DERA: variants seen among roughly 807,000 people sequenced by gnomAD.
DERA encodes the protein 2-deoxy-D-ribose 5-phosphate aldolase.
In DERA, 15 loss-of-function variants were observed where a neutral mutation model predicts 41.1. The ratio of observed to expected loss-of-function variants is 0.37; its 90% CI spans 0.24 to 0.56. The LOEUF is 0.56. Ranked by LOEUF, DERA falls within the 20% of genes least tolerant of loss-of-function variation. DERA has a pLI of 0.81. For missense variants in DERA, 396 were observed against 403.4 expected, an observed-to-expected ratio of 0.98 and a Z score of 0.16; for synonymous variants, 139 against 137.4, an observed-to-expected ratio of 1.01 and a Z score of -0.08.
chr12:15,944,690 T>C (rs1348663835), intron 1 of DERA, among the ~76,000 whole-genome samples: 1 of 152,246 alleles, frequency 6.6e-6, no homozygotes, highest in African/African-American at 2.4e-5. Flanking sequence ...GCCTGTTCAC[T>C]CTAATGGTAG....
chr12:15,916,558 C>T (rs761262385), intron 1 of DERA, among the ~76,000 whole-genome samples: 21 of 151,472 alleles, frequency 1.4e-4, no homozygotes, highest in Non-Finnish European at 2.5e-4. Context: ...TCAAGTGAGC[C>T]TCCAGTCTCA....
At chr12:15,951,875 C>T (rs1290169402) in intron 1 of DERA, among the ~76,000 whole-genome samples, 19 of 152,072 alleles carry the variant, frequency 1.2e-4, no homozygotes, top group Admixed American at 9.8e-4. Context: ...TTTTCTACAA[C>T]AGTACTTACT....
rs1019791311 is a variant in DERA at position 15,983,426 on chromosome 12, G to A, written c.637+990G>A. Among the ~76,000 whole-genome samples, 7 of 152,076 alleles carry A rather than the reference G, an allele frequency of 4.6e-5. No homozygotes were observed. Among genetic ancestry groups the A allele is most frequent in the East Asian group, 3.9e-4 (2 of 5,176 alleles). On this transcript the variant is annotated intron_variant, in intron 6 of 8. Transcript: ENST00000428559. This position sits in a 1 kb window ranked among gnomAD's most constrained non-coding sequence, Gnocchi z 6.2. ...CATCCAACCTTTTGAGTCTTTGTAC[G>A]TTCTGTGCCTCCTGCCCGGAATGCC...
rs542920532 is a variant in DERA at position 15,989,817 on chromosome 12, C to T, written c.637+7381C>T. 1.3e-5 allele frequency among the ~76,000 whole-genome samples: 2 copies of T among 152,316 alleles called. No individual in the cohort carries two copies. Among genetic ancestry groups the T allele is most frequent in the African/African-American group, 4.8e-5 (2 of 41,564 alleles). On this transcript the variant is annotated intron_variant, in intron 6 of 8. Transcript: ENST00000428559. This position sits in a 1 kb window ranked among gnomAD's most constrained non-coding sequence, Gnocchi z 5.2. ...ACTATGTTAGTCTGGTCTTACACAT[C>T]ATTGTAAGTAAAATTGTGTTAAACA...
intron 5 of DERA, among the ~76,000 whole-genome samples, chr12:15,974,225 A>C (rs1948682859): frequency 6.6e-6 from 1 of 152,212 alleles, no homozygotes; most frequent in Non-Finnish European, 1.5e-5. Flanking sequence ...TACTGCATCA[A>C]AATCAGGAAA....
At chr12:15,997,117 A>G (rs1199495939) in intron 6 of DERA, among the ~76,000 whole-genome samples, 1 of 152,200 alleles carries the variant, frequency 6.6e-6, no homozygotes, top group African/African-American at 2.4e-5. Flanking sequence ...AAAAATACAG[A>G]TCTTCAAACA....
rs1948939144 is a variant in DERA at position 16,010,371 on chromosome 12, G to A, written c.638-22171G>A. Among the ~76,000 whole-genome samples, 1 of 152,084 alleles carries A rather than the reference G, an allele frequency of 6.6e-6. No individual in the cohort carries two copies. The highest frequency in any genetic ancestry group is 2.4e-5 in the African/African-American group (1 of 41,390). ...GCCTCATGTGTCTTCAGGAATTTGT[G>A]AATGATTCTGATATCCCAGTGATAT... On this transcript the variant is annotated intron_variant, in intron 6 of 8. Transcript: ENST00000428559. The surrounding 1 kb of genome is among the most constrained non-coding windows in gnomAD (Gnocchi z 5.5).
rs1227313154 is a variant in DERA, at chr12:16,036,960, A to C, written c.*214A>C. The C allele has an allele frequency of 3.6e-5, 18 of 503,488 alleles. No homozygotes were observed. The highest frequency in any genetic ancestry group is 6.2e-5 in the Non-Finnish European group (18 of 288,196). The allele number at this position is 503,488 out of a possible 1,614,324, so 31.2% of individuals were successfully genotyped here. ...ATCTGAAATGATCTTAATTACTAGA[A>C]GATCTGCACTATTAACTTTGTGAAG... On this transcript the variant is annotated 3_prime_UTR_variant, in exon 9 of 9. Transcript: ENST00000428559. The surrounding 1 kb of genome is among the most constrained non-coding windows in gnomAD (Gnocchi z 4.9).
intron 6 of DERA, among the ~76,000 whole-genome samples, chr12:16,015,717 G>C (rs1948976842): frequency 6.6e-6 from 1 of 152,176 alleles, no homozygotes; most frequent in Non-Finnish European, 1.5e-5. Flanking sequence ...AGGAGGCCTG[G>C]ATTATGGATG....
chr12:15,996,222 C>T lies in DERA; in HGVS notation c.637+13786C>T, dbSNP rs1948836391. Among the ~76,000 whole-genome samples, 1 of 151,508 alleles carries T rather than the reference C, an allele frequency of 6.6e-6. No individual in the cohort carries two copies. The highest frequency in any genetic ancestry group is 2.4e-5 in the African/African-American group (1 of 41,172). ...TAAGAGTAGATTACAATCCAGTATA[C>T]ACAGGGCCCCAAAATATAGAAAACA... is the stretch of plus-strand genomic sequence containing the variant. On this transcript the variant is annotated intron_variant, in intron 6 of 8. Transcript: ENST00000428559. The surrounding 1 kb of genome is among the most constrained non-coding windows in gnomAD (Gnocchi z 4.7).
At chr12:16,029,186 G>A (rs193029670) in intron 6 of DERA, among the ~76,000 whole-genome samples, 10 of 152,322 alleles carry the variant, frequency 6.6e-5, no homozygotes, top group African/African-American at 2.2e-4. Flanking sequence ...TGTAATCCCA[G>A]CACTTTGGGA....
At chr12:15,980,053 C>T (rs1407997748) in intron 5 of DERA, among the ~76,000 whole-genome samples, 13 of 152,212 alleles carry the variant, frequency 8.5e-5, no homozygotes, top group African/African-American at 2.4e-4. Flanking sequence ...GTTACTGGAA[C>T]TGGGTCAGGC....
chr12:16,032,860 G>A (rs967588745), intron 7 of DERA: 7 of 506,914 alleles, frequency 1.4e-5, no homozygotes, highest in Non-Finnish European at 2.4e-5. Flanking sequence ...GAGTGTGGGA[G>A]TGAGTATGTG....
intron 1 of DERA, among the ~76,000 whole-genome samples, chr12:15,916,828 T>A (rs1199970601): frequency 6.6e-6 from 1 of 152,192 alleles, no homozygotes; most frequent in Non-Finnish European, 1.5e-5. Flanking sequence ...CCTAGGCTGG[T>A]CTTGAACTCC....
chr12:16,013,665 T>C lies in DERA; in HGVS notation c.638-18877T>C, dbSNP rs1948961509. ...AATTGGTACCGAGGTAGTGGGACAC[T>C]GCTATAAGGATACCCGAAAATGCGG... On this transcript the variant is annotated intron_variant, in intron 6 of 8. Transcript: ENST00000428559. This position sits in a 1 kb window ranked among gnomAD's most constrained non-coding sequence, Gnocchi z 5.8. 6.6e-6 allele frequency among the ~76,000 whole-genome samples: 1 copy of C among 152,212 alleles called. No homozygotes were observed. Among genetic ancestry groups the C allele is most frequent in the African/African-American group, 2.4e-5 (1 of 41,460 alleles).
intron 4 of DERA, among the ~76,000 whole-genome samples, chr12:15,960,650 A>C (rs1037444928): frequency 7.9e-5 from 12 of 151,160 alleles, no homozygotes; most frequent in East Asian, 1.9e-4. Flanking sequence ...AAAAAAAAAA[A>C]AAAAAAAAAA....
Position 15,982,375 on chromosome 12 carries a change from G to C in DERA, c.576G>C (p.Ala192=), listed in dbSNP as rs376916329. 9 of 1,613,658 alleles carry C rather than the reference G, an allele frequency of 5.6e-6. No homozygotes were observed. In the African/African-American group the frequency reaches 1.2e-4, roughly 22 times the overall value. Residue 192 remains alanine (A), a synonymous_variant, in exon 6 of 9, where the codon GCG becomes GCC. Transcript: ENST00000428559. The surrounding 1 kb of genome is among the most constrained non-coding windows in gnomAD (Gnocchi z 4.0). ...CGEAHLKTIL[A]TGELGTLTNV... ...AGGCTCATCTTAAAACTATATTAGC[G>C]ACAGGAGAACTTGGAACTCTTACTA...
At chr12:15,925,143 C>G (rs377453128) in intron 1 of DERA, among the ~76,000 whole-genome samples, 2 of 152,240 alleles carry the variant, frequency 1.3e-5, no homozygotes, top group East Asian at 1.9e-4. Context: ...CTCCCACCCC[C>G]GAGCCCCAAC....
chr12:16,032,012 G>T (rs933759349), intron 6 of DERA, among the ~76,000 whole-genome samples: 5 of 152,130 alleles, frequency 3.3e-5, no homozygotes, highest in African/African-American at 9.7e-5. Flanking sequence ...ATGAAATAGC[G>T]TGGTCTCTTT....
Sources: gnomAD v4.1 joint callset for allele counts (sites outside exome capture counted in the v4.1 genomes callset) on GRCh38, gnomAD v4.1.1 for gene constraint, Gnocchi (gnomAD v3.1) non-coding constraint, MANE v1.5 for transcripts, NCBI Gene and HGNC (gene_info 2026-07-23, HGNC 2026-07-21) for gene names.